Variants in LMO7 observed in about 807,000 individuals in gnomAD.
The protein encoded by LMO7 is LIM domain only protein 7.
In LMO7, 120 loss-of-function variants were observed where a neutral mutation model predicts 206.5. That is an observed-to-expected ratio of 0.58 (90% CI 0.50 to 0.68). The LOEUF (loss-of-function observed/expected upper bound fraction) is 0.68. LMO7 is among the 30% of genes least tolerant of loss of function. The pLI is 0.00. For synonymous variants in LMO7, 706 were observed against 681.5 expected (o/e 1.04, Z -0.56); for missense variants, 1,959 against 1,957.9 (o/e 1.00, Z -0.01).
chr13:75,840,156 G>T, intron 21 of LMO7, 46 bp downstream of exon 21: 1 of 1,565,616 alleles, frequency 6.4e-7, no homozygotes, highest in South Asian at 1.1e-5. Context: ...AACTTGGTGG[G>T]ACTGAATTAG....
intron 7 of LMO7, 46 bp from the exon 8 acceptor site, chr13:75,804,243 G>T: frequency 1.3e-6 from 2 of 1,581,408 alleles, no homozygotes; most frequent in Non-Finnish European, 1.7e-6. Flanking sequence ...TTTCAGTTAG[G>T]CGAATAATCT....
intron 2 of LMO7, among the ~76,000 whole-genome samples, chr13:75,714,140 AGTT>A (rs1394037679): frequency 6.6e-6 from 1 of 152,180 alleles, no homozygotes; most frequent in Non-Finnish European, 1.5e-5. Context: ...CTTTTGAAGG[AGTT>A]GTTTGCAGCA....
chr13:75,794,970 C>A lies in LMO7; in HGVS notation c.318-431C>A, dbSNP rs1018107342. 3.9e-5 allele frequency among the ~76,000 whole-genome samples: 6 copies of A among 152,188 alleles called. No individual in the cohort carries two copies. The South Asian group carries it at 1.2e-3, about 32-fold the overall frequency. On this transcript the variant is annotated intron_variant, in intron 4 of 30. Coordinates refer to ENST00000377534, the MANE Select transcript of LMO7 (RefSeq NM_001306080.2). Reference sequence around the variant, plus strand: ...AACCCCATCAGTGCAAAAAACCCCTCGCTTTTATTTTTCATTGTGTTTTTA... The same window carrying A: ...AACCCCATCAGTGCAAAAAACCCCTAGCTTTTATTTTTCATTGTGTTTTTA...
chr13:75,810,042 G>A lies in LMO7; in HGVS notation c.1946+859G>A, dbSNP rs866742353. 4.6e-5 allele frequency among the ~76,000 whole-genome samples: 7 copies of A among 151,940 alleles called. No individual in the cohort carries two copies. In the South Asian group the frequency reaches 6.2e-4, roughly 14 times the overall value. On this transcript the variant is annotated intron_variant, in intron 11 of 30. Transcript: ENST00000377534. ...AGACGGGGTTTCACCAGATTGGTCC[G>A]GCTGGTCTCAAACTCCTGACCTCAG...
At chr13:75,718,603 G>A (rs1251412263) in intron 2 of LMO7, among the ~76,000 whole-genome samples, 2 of 151,934 alleles carry the variant, frequency 1.3e-5, no homozygotes, top group African/African-American at 4.8e-5. Flanking sequence ...CCACCAGAGG[G>A]GTACATTGGT....
At chr13:75,668,069 G>C (rs369269769) in intron 1 of LMO7, among the ~76,000 whole-genome samples, 3 of 152,112 alleles carry the variant, frequency 2.0e-5, no homozygotes, top group Admixed American at 2.0e-4. Flanking sequence ...TGAGCTGGGC[G>C]TGGTGGTGCA....
rs113344430 is a variant in LMO7, at chr13:75,713,107, A to G, written c.70-75A>G. 1,294 of 981,358 alleles carry G rather than the reference A, an allele frequency of 1.3e-3. 11 individuals are homozygous for G. In the African/African-American group the frequency reaches 0.019, roughly 15 times the overall value. 60.8% of individuals were successfully genotyped at this position (981,358 alleles called of 1,614,324 possible). A position where few individuals can be genotyped will look rare whatever the true frequency, so the allele number is the denominator to read the frequency against. ...CAAGTATAACATTAAATGCATATTA[A>G]TTAATCTAATACTGAATTGGACTTG... On this transcript the variant is annotated intron_variant, in intron 1 of 30. Coordinates refer to ENST00000377534, the MANE Select transcript of LMO7 (RefSeq NM_001306080.2).
intron 3 of LMO7, among the ~76,000 whole-genome samples, chr13:75,742,244 T>C (rs2046474501): frequency 6.6e-6 from 1 of 151,944 alleles, no homozygotes; most frequent in African/African-American, 2.4e-5. Flanking sequence ...ATGACACAAA[T>C]AAATGGAAAA....
intron 4 of LMO7, among the ~76,000 whole-genome samples, chr13:75,792,785 A>T (rs2053482773): frequency 1.3e-5 from 2 of 152,198 alleles, no homozygotes. Flanking sequence ...CAGAGATAGG[A>T]CACTAATTTG....
intron 3 of LMO7, among the ~76,000 whole-genome samples, chr13:75,759,396 A>G (rs2047959008): frequency 6.6e-6 from 1 of 152,170 alleles, no homozygotes; most frequent in Non-Finnish European, 1.5e-5. Context: ...ATAATTACAG[A>G]TAGTATACTT....
In LMO7 at chr13:75,833,130, A is replaced by G; in HGVS notation, c.3029A>G (p.Asp1010Gly). Residue 1010 changes from aspartate (D) to glycine (G), a missense_variant, in exon 16 of 31, where the codon GAT (aspartate) becomes GGT (glycine). Transcript: ENST00000377534. ...GACTTTGGGTTTACAATAAAATGGG[A>G]TATTCCTGGGATCTTCGTAGCATCA... ...SLDFGFTIKW[D>G]IPGIFVASVE... 6.2e-7 allele frequency: 1 copy of G among 1,608,216 alleles called. No individual in the cohort carries two copies. Among genetic ancestry groups the G allele is most frequent in the Non-Finnish European group, 8.5e-7 (1 of 1,174,774 alleles).
At chr13:75,669,447 G>A (rs1174376716) in intron 1 of LMO7, among the ~76,000 whole-genome samples, 1 of 152,192 alleles carries the variant, frequency 6.6e-6, no homozygotes, top group Non-Finnish European at 1.5e-5. Flanking sequence ...ATCTCAGAGT[G>A]AAGGTGGAAG....
chr13:75,800,742 T>C lies in LMO7; in HGVS notation c.521T>C (p.Ile174Thr). 18 of 1,614,168 alleles carry C rather than the reference T, an allele frequency of 1.1e-5. No individual in the cohort carries two copies. Among genetic ancestry groups the C allele is most frequent in the Non-Finnish European group, 1.5e-5 (18 of 1,180,014 alleles). The change falls in exon 7 of 31, where the codon ATC becomes ACC. Residue 174 changes from isoleucine (I) to threonine (T), a missense_variant. Transcript: ENST00000377534. Reference sequence around the variant, plus strand: ...GGCAGGGACAGTGGCTACGGTGACATCTGGTGTCCTGAACGTGGAGAATTT... The same window carrying C: ...GGCAGGGACAGTGGCTACGGTGACACCTGGTGTCCTGAACGTGGAGAATTT... ...RSGRDSGYGDIWCPERGEFLA... is the reference protein window; with the variant it reads ...RSGRDSGYGDTWCPERGEFLA...
chr13:75,685,733 T>G (rs1200317788), intron 1 of LMO7, among the ~76,000 whole-genome samples: 3 of 151,408 alleles, frequency 2.0e-5, no homozygotes, highest in Non-Finnish European at 4.4e-5. Flanking sequence ...TAAGAGAAGG[T>G]GGGAAAAGCC....
chr13:75,806,863 G>A (rs1354671657), intron 9 of LMO7: 2 of 152,796 alleles, frequency 1.3e-5, no homozygotes, highest in South Asian at 4.1e-4. Context: ...GCTCACGCCT[G>A]TAATCCCAGC....
chr13:75,845,458 C>G (rs2059913506), intron 26 of LMO7, 79 bp downstream of exon 26: 1 of 802,948 alleles, frequency 1.2e-6, no homozygotes, highest in African/African-American at 1.8e-5. Flanking sequence ...TTTTTAAGGT[C>G]AAGATATTTC....
At chr13:75,804,125 A>C (rs1225582068) in intron 7 of LMO7, 164 bp from the exon 8 acceptor site, 1 of 673,430 alleles carries the variant, frequency 1.5e-6, no homozygotes, top group African/African-American at 1.8e-5. Flanking sequence ...AGTTCCTCCT[A>C]ATGGATCTTA....
intron 5 of LMO7, 134 bp downstream of exon 5, chr13:75,795,565 A>T (rs1306716836): frequency 2.1e-5 from 13 of 629,552 alleles, no homozygotes; most frequent in Admixed American, 6.0e-5. Flanking sequence ...ATCAGTTACA[A>T]ACAGTAAATA....
At chr13:75,761,063 A>C (rs1203340048) in intron 4 of LMO7, 25 bp downstream of exon 4, 2 of 1,074,998 alleles carry the variant, frequency 1.9e-6, no homozygotes, top group Non-Finnish European at 2.5e-6. Context: ...TTTGTTAGAT[A>C]TATATATATA....
Sources: gnomAD v4.1 joint callset for allele counts (sites outside exome capture counted in the v4.1 genomes callset) on GRCh38, gnomAD v4.1.1 for gene constraint, MANE v1.5 for transcripts, NCBI Gene and HGNC (gene_info 2026-07-23, HGNC 2026-07-21) for gene names.